OSBPL9: variants seen among roughly 807,000 people sequenced by gnomAD.
The protein encoded by OSBPL9 is oxysterol binding protein like 9, also known as oxysterol-binding protein-related protein 9.
In OSBPL9, 40 loss-of-function variants were observed where a neutral mutation model predicts 106.6. That is an observed-to-expected ratio of 0.38 (90% CI 0.29 to 0.49). The LOEUF is 0.49. Among genes scored for constraint, OSBPL9 ranks in the 20% least tolerant of loss-of-function variants. The pLI is 0.97. For synonymous variants in OSBPL9, 269 were observed against 295.4 expected (o/e 0.91, Z 0.92); for missense variants, 609 against 887.2 (o/e 0.69, Z 3.98).
At chr1:51,694,662 T>C (rs1655655145) in intron 3 of OSBPL9, among the ~76,000 whole-genome samples, 1 of 152,356 alleles carries the variant, frequency 6.6e-6, no homozygotes, top group Admixed American at 6.5e-5. Flanking sequence ...ATGCGTTGGT[T>C]ATTTGAAAAT....
the OSBPL9 span, among the ~76,000 whole-genome samples, chr1:51,539,260 C>A: frequency 6.6e-6 from 1 of 151,568 alleles, no homozygotes; most frequent in African/African-American, 2.4e-5. Context: ...AATGTCACTT[C>A]CATCCCCCGG....
chr1:51,634,289 G>A (rs190420787), intron 1 of OSBPL9, among the ~76,000 whole-genome samples: 3 of 152,310 alleles, frequency 2.0e-5, no homozygotes, highest in East Asian at 1.9e-4. Flanking sequence ...TCATTTCACA[G>A]TTTGGTGGGA....
At chr1:51,779,789 A>G (rs1458588996) in intron 15 of OSBPL9, among the ~76,000 whole-genome samples, 2 of 152,148 alleles carry the variant, frequency 1.3e-5, no homozygotes, top group Non-Finnish European at 2.9e-5. Context: ...TAATAAAATA[A>G]ATGGTTGGCC....
chr1:51,630,988 C>T (rs376643508), intron 1 of OSBPL9, among the ~76,000 whole-genome samples: 9 of 152,208 alleles, frequency 5.9e-5, no homozygotes, highest in African/African-American at 9.6e-5. Context: ...CTGCCCACTG[C>T]GCAAAGAAAA....
intron 2 of OSBPL9, among the ~76,000 whole-genome samples, chr1:51,656,246 G>A (rs116180435): frequency 0.012 from 1,809 of 152,218 alleles, 38 homozygotes; most frequent in African/African-American, 0.042. Context: ...ATGAGGCTTA[G>A]CAATTATGTA....
chr1:51,590,493 A>G (rs941217886), intron 1 of OSBPL9, among the ~76,000 whole-genome samples: 1 of 150,576 alleles, frequency 6.6e-6, no homozygotes, highest in Non-Finnish European at 1.5e-5. Context: ...AGTGGCGGGC[A>G]CCTGTATTCC....
intron 12 of OSBPL9, among the ~76,000 whole-genome samples, chr1:51,771,620 C>G (rs1292299104): frequency 6.6e-6 from 1 of 152,144 alleles, no homozygotes; most frequent in Non-Finnish European, 1.5e-5. Context: ...AATTTACTTG[C>G]ATAAATAAGA....
intron 1 of OSBPL9, among the ~76,000 whole-genome samples, chr1:51,618,025 G>GTGTGTGTGTGTGTGGT (rs1644185004): frequency 9.4e-6 from 1 of 106,554 alleles, no homozygotes; most frequent in African/African-American, 3.2e-5. Flanking sequence ...TGTGTGTGTG[G>GTGTGTGTGTGTGTGGT]TTTTTTTTTT....
Position 51,676,613 on chromosome 1 carries a change from C to G in OSBPL9, c.241+7101C>G, listed in dbSNP as rs994008183. The stretch of plus-strand genomic sequence containing the variant: ...GGCAAAGATTTCAGTGAGCCGAGAT[C>G]GCGCCACTGCACTCCAGCCTGGCCG... On this transcript the variant is annotated intron_variant, in intron 3 of 23. Transcript: ENST00000428468. Among the ~76,000 whole-genome samples the G allele has an allele frequency of 2.0e-5, 3 of 147,542 alleles. No individual in the cohort carries two copies. The South Asian group carries it at 6.5e-4, about 32-fold the overall frequency.
rs538316485 is a variant in OSBPL9, at chr1:51,652,635, A to C, written c.162+594A>C. On this transcript the variant is annotated intron_variant, in intron 2 of 23. Transcript: ENST00000428468. Reference sequence around the variant, plus strand: ...AAGATATTTTACAATCTTTCTTTCCATACTAACTATTCAAAATCCAGTGTG... The same window carrying C: ...AAGATATTTTACAATCTTTCTTTCCCTACTAACTATTCAAAATCCAGTGTG... Among the ~76,000 whole-genome samples, 70 of 152,354 alleles carry C rather than the reference A, an allele frequency of 4.6e-4. 3 individuals carry two copies. In the South Asian group the frequency reaches 0.012, roughly 25 times the overall value.
intron 2 of OSBPL9, among the ~76,000 whole-genome samples, chr1:51,610,911 A>G (rs1037107412): frequency 6.6e-6 from 1 of 152,206 alleles, no homozygotes; most frequent in African/African-American, 2.4e-5. Flanking sequence ...CAGGCACTCA[A>G]TGAGTAGATG....
chr1:51,572,462 C>T (rs561496856), upstream of OSBPL9, among the ~76,000 whole-genome samples: 1 of 152,272 alleles, frequency 6.6e-6, no homozygotes, highest in Non-Finnish European at 1.5e-5. Flanking sequence ...AGCCCTAGGT[C>T]TGTCTGCTCC....
chr1:51,776,774 T>A, intron 14 of OSBPL9, 59 bp from the exon 15 acceptor site: 1 of 1,085,036 alleles, frequency 9.2e-7, no homozygotes, highest in South Asian at 1.4e-5. Flanking sequence ...TTTTTTTTTT[T>A]AGTCTGTTTA....
intron 6 of OSBPL9, among the ~76,000 whole-genome samples, chr1:51,748,115 T>C (rs1668421022): frequency 6.6e-6 from 1 of 152,158 alleles, no homozygotes; most frequent in Non-Finnish European, 1.5e-5. Flanking sequence ...TATATTATTC[T>C]TACAAACCTT....
chr1:51,610,764 CT>C (rs1388422997), intron 2 of OSBPL9, among the ~76,000 whole-genome samples: 5 of 152,214 alleles, frequency 3.3e-5, no homozygotes, highest in African/African-American at 1.2e-4. Context: ...TTCCCTGACC[CT>C]TTTATTCAGA....
intron 2 of OSBPL9, among the ~76,000 whole-genome samples, chr1:51,605,786 G>A (rs1643943289): frequency 6.6e-6 from 1 of 152,134 alleles, no homozygotes. Context: ...TCCGAGACCA[G>A]CCTGGCCAAC....
chr1:51,595,152 C>T (rs970947968), intron 1 of OSBPL9, among the ~76,000 whole-genome samples: 3 of 152,288 alleles, frequency 2.0e-5, no homozygotes, highest in East Asian at 1.9e-4. Context: ...AGGGCACCAC[C>T]GCTGAGAGCG....
chr1:51,611,072 G>A (rs1169136258), intron 2 of OSBPL9, among the ~76,000 whole-genome samples: 1 of 152,176 alleles, frequency 6.6e-6, no homozygotes, highest in African/African-American at 2.4e-5. Flanking sequence ...GGGGACACTG[G>A]AAGGAGAAGA....
chr1:51,639,308 G>A (rs1469432120), intron 1 of OSBPL9, among the ~76,000 whole-genome samples: 1 of 152,110 alleles, frequency 6.6e-6, no homozygotes, highest in Admixed American at 6.5e-5. Flanking sequence ...AGTAGTAGAT[G>A]GTCGAAGGTA....
Sources: allele counts gnomAD v4.1 joint callset (sites outside exome capture counted in the v4.1 genomes callset), GRCh38; gene constraint gnomAD v4.1.1; transcripts MANE v1.5; gene names NCBI Gene and HGNC (gene_info 2026-07-23, HGNC 2026-07-21).